Variants in LIN54 observed in about 807,000 individuals in gnomAD.
LIN54 encodes protein lin-54 homolog.
In LIN54, 9 loss-of-function variants were observed where a neutral mutation model predicts 78.7. That is an observed-to-expected ratio of 0.11 (90% CI 0.07 to 0.20). The LOEUF (loss-of-function observed/expected upper bound fraction) is 0.20, where lower values mean the gene tolerates loss of function less well. LIN54 is among the 10% of genes least tolerant of loss of function. LIN54 has a pLI of 1.00. For synonymous variants in LIN54, 269 were observed against 318.4 expected (o/e 0.84, Z 1.65); for missense variants, 573 against 889.9 (o/e 0.64, Z 4.53).
intron 4 of LIN54, among the ~76,000 whole-genome samples, chr4:82,968,575 T>C (rs540047078): frequency 1.3e-5 from 2 of 152,182 alleles, no homozygotes; most frequent in Non-Finnish European, 2.9e-5. Flanking sequence ...AGTACTGCAA[T>C]AATCTCTTAG....
At chr4:82,935,702 T>C (rs145046922) in intron 11 of LIN54, among the ~76,000 whole-genome samples, 1 of 152,288 alleles carries the variant, frequency 6.6e-6, no homozygotes, top group Non-Finnish European at 1.5e-5. Context: ...AATCAATATA[T>C]TGGTGTTCTG....
At chr4:82,955,723 C>A (rs1724262436) in intron 4 of LIN54, among the ~76,000 whole-genome samples, 1 of 148,546 alleles carries the variant, frequency 6.7e-6, no homozygotes, top group Non-Finnish European at 1.5e-5. Flanking sequence ...AGTTCAAGAC[C>A]AGCCTAGGCA....
chr4:82,974,662 A>C (rs554373998), intron 3 of LIN54, among the ~76,000 whole-genome samples: 2 of 152,084 alleles, frequency 1.3e-5, no homozygotes, highest in Admixed American at 1.3e-4. Context: ...ACTTGAACCC[A>C]GAAGGCAGAG....
At chr4:82,987,969 G>A (rs888828390) in intron 1 of LIN54, among the ~76,000 whole-genome samples, 6 of 152,172 alleles carry the variant, frequency 3.9e-5, no homozygotes, top group African/African-American at 9.7e-5. Flanking sequence ...GTCTTCCACC[G>A]TGGTTGAACT....
intron 11 of LIN54, 108 bp from the exon 12 acceptor site, chr4:82,931,253 A>G (rs1169701887): frequency 3.9e-6 from 3 of 778,284 alleles, no homozygotes; most frequent in Non-Finnish European, 6.4e-6. Flanking sequence ...GTCAACTGAT[A>G]ATAAGATTAG....
chr4:82,994,485 C>T (rs1156945806), intron 1 of LIN54, among the ~76,000 whole-genome samples: 1 of 151,914 alleles, frequency 6.6e-6, no homozygotes, highest in African/African-American at 2.4e-5. Context: ...GCAACCTCCA[C>T]CTCCCCGGTT....
chr4:82,930,285 ACCAGT>A (rs1470252634), intron 12 of LIN54, among the ~76,000 whole-genome samples: 1 of 152,196 alleles, frequency 6.6e-6, no homozygotes, highest in Non-Finnish European at 1.5e-5. Context: ...ACTTTCTAAT[ACCAGT>A]CCAGTCCAGT....
intron 11 of LIN54, among the ~76,000 whole-genome samples, chr4:82,931,980 G>A (rs996134561): frequency 6.6e-6 from 1 of 151,704 alleles, no homozygotes; most frequent in Non-Finnish European, 1.5e-5. Flanking sequence ...CCAGTTCTTG[G>A]GTACCACAAA....
chr4:82,975,443 GC>G (rs772318639), intron 3 of LIN54, among the ~76,000 whole-genome samples: 124 of 152,112 alleles, frequency 8.2e-4, no homozygotes, highest in Admixed American at 2.2e-3. Context: ...AGGCGCGGTG[GC>G]TCATGCCTGT....
intron 2 of LIN54, among the ~76,000 whole-genome samples, chr4:82,982,386 G>C (rs1202900183): frequency 4.6e-5 from 7 of 152,052 alleles, no homozygotes; most frequent in Non-Finnish European, 4.4e-5. Flanking sequence ...GCGCCACCAT[G>C]CTGGGCTAAT....
chr4:82,934,606 A>G (rs1041662133), intron 11 of LIN54, among the ~76,000 whole-genome samples: 5 of 152,234 alleles, frequency 3.3e-5, no homozygotes, highest in African/African-American at 9.6e-5. Context: ...AAAATCTTTC[A>G]TATGACACAT....
intron 10 of LIN54, 25 bp downstream of exon 10, chr4:82,936,254 G>T: frequency 6.6e-7 from 1 of 1,512,014 alleles, no homozygotes; most frequent in Non-Finnish European, 9.1e-7. Context: ...ATTTCTGTCA[G>T]TTAAATGAAA....
rs572366642 is a variant in LIN54 at position 82,930,444 on chromosome 4, C to G, written c.2048+499G>C. 5.3e-5 allele frequency among the ~76,000 whole-genome samples: 8 copies of G among 152,234 alleles called. No individual in the cohort carries two copies. The South Asian group carries it at 1.2e-3, about 24-fold the overall frequency. Reference sequence around the variant, plus strand: ...AAGAGATTCACAAACTACTAAGTAGCACAGATAGTATAAACTCAAGTCTAC... The same window carrying G: ...AAGAGATTCACAAACTACTAAGTAGGACAGATAGTATAAACTCAAGTCTAC... On this transcript the variant is annotated intron_variant, in intron 12 of 12. Transcript: ENST00000340417.
intron 4 of LIN54, among the ~76,000 whole-genome samples, chr4:82,955,369 A>AATAACAT (rs1553950443): frequency 7.2e-6 from 1 of 138,292 alleles, no homozygotes; most frequent in Admixed American, 7.5e-5. Context: ...ATCTCAAAAA[A>AATAACAT]ATAACATAAC....
At chr4:82,959,319 C>T (rs1352188972) in intron 4 of LIN54, among the ~76,000 whole-genome samples, 2 of 151,950 alleles carry the variant, frequency 1.3e-5, no homozygotes, top group African/African-American at 4.8e-5. Context: ...CATCACATGA[C>T]CGAGATTCCA....
upstream of LIN54, among the ~76,000 whole-genome samples, chr4:83,011,577 A>C (rs1011526827): frequency 1.4e-5 from 2 of 144,564 alleles, no homozygotes; most frequent in Non-Finnish European, 3.0e-5. Flanking sequence ...TTTTTTTAGG[A>C]TCTAAGTCAT....
chr4:82,984,849 G>A lies in LIN54; in HGVS notation c.-5C>T, dbSNP rs1426570805. ...CTCAGCTGGCACCACCTCCATGATC[G>A]TTCTCCCGCTAGAAAGTTGATCAGG... is the stretch of plus-strand genomic sequence containing the variant. On this transcript the variant is annotated 5_prime_UTR_variant, in exon 2 of 13. In the 5' UTR this introduces an upstream ATG that the reference lacks. Coordinates refer to ENST00000340417, the MANE Select transcript of LIN54 (RefSeq NM_194282.4). 6.3e-7 allele frequency: 1 copy of A among 1,598,500 alleles called. No individual in the cohort carries two copies. The highest frequency in any genetic ancestry group is 8.5e-7 in the Non-Finnish European group (1 of 1,172,176).
intron 1 of LIN54, among the ~76,000 whole-genome samples, chr4:82,986,833 C>T (rs1400841833): frequency 3.3e-5 from 5 of 151,734 alleles, no homozygotes; most frequent in Admixed American, 6.6e-5. Context: ...GTGCTTACAA[C>T]ACTGATGACG....
At chr4:83,004,107 T>C (rs957491576) in intron 1 of LIN54, among the ~76,000 whole-genome samples, 2 of 152,028 alleles carry the variant, frequency 1.3e-5, no homozygotes, top group Non-Finnish European at 2.9e-5. Context: ...ATAGAGTATG[T>C]AGAAAACAGG....
Sources: allele counts gnomAD v4.1 joint callset (sites outside exome capture counted in the v4.1 genomes callset), GRCh38; gene constraint gnomAD v4.1.1; transcripts MANE v1.5; gene names NCBI Gene and HGNC (gene_info 2026-07-23, HGNC 2026-07-21).